Variants in XRCC5 observed in about 807,000 individuals in gnomAD.
The protein encoded by XRCC5 is X-ray repair cross complementing 5.
Under a neutral mutation model 95.7 loss-of-function variants are expected in XRCC5, and 12 were observed. The observed-to-expected ratio is 0.13, with a 90% CI of 0.08 to 0.20. XRCC5 has a LOEUF of 0.20. Ranked by LOEUF, XRCC5 falls within the 10% of genes least tolerant of loss-of-function variation. The pLI, the probability that XRCC5 is intolerant of heterozygous loss-of-function variation, is 1.00. For synonymous variants in XRCC5, 281 were observed against 290.3 expected (o/e 0.97, Z 0.33); for missense variants, 595 against 873.9 (o/e 0.68, Z 4.02).
chr2:216,109,409 G>T lies in XRCC5; in HGVS notation c.-28G>T. On this transcript the variant is annotated 5_prime_UTR_variant, in exon 1 of 21. Coordinates refer to ENST00000392132, the MANE Select transcript of XRCC5 (RefSeq NM_021141.4). ...CACGGCAGGTTCCCGCCCGGAAGAA[G>T]CGACCAAAGCGCCTGAGGACCGGCA... 1 of 1,613,766 alleles carries T rather than the reference G, an allele frequency of 6.2e-7. No homozygotes were observed. The highest frequency in any genetic ancestry group is 2.2e-5 in the East Asian group (1 of 44,884).
intron 18 of XRCC5, among the ~76,000 whole-genome samples, chr2:216,193,429 T>C (rs1235443525): frequency 2.6e-5 from 4 of 152,134 alleles, no homozygotes; most frequent in Admixed American, 2.0e-4. Flanking sequence ...TTTTCACTTA[T>C]ACTAGAGATG....
chr2:216,109,850 T>A (rs1275500536), intron 1 of XRCC5, among the ~76,000 whole-genome samples: 2 of 152,114 alleles, frequency 1.3e-5, no homozygotes, highest in Non-Finnish European at 2.9e-5. Flanking sequence ...GAATGAAAAT[T>A]AGCTGTGATA....
At chr2:216,164,262 A>T (rs562443144) in intron 16 of XRCC5, among the ~76,000 whole-genome samples, 1 of 152,208 alleles carries the variant, frequency 6.6e-6, no homozygotes, top group Non-Finnish European at 1.5e-5. Flanking sequence ...GTCAAAGTCC[A>T]AGGTCCCCCG....
chr2:216,125,403 G>C (rs1696885579), intron 6 of XRCC5, among the ~76,000 whole-genome samples: 1 of 152,040 alleles, frequency 6.6e-6, no homozygotes, highest in African/African-American at 2.4e-5. Context: ...CTCCATGTTG[G>C]TCAGGCTGAT....
intron 16 of XRCC5, among the ~76,000 whole-genome samples, chr2:216,178,713 A>G (rs934343093): frequency 6.6e-6 from 1 of 152,188 alleles, no homozygotes; most frequent in Non-Finnish European, 1.5e-5. Context: ...TCCCCCTTCA[A>G]TAGAGCTTTA....
At chr2:216,123,704 G>A (rs544937458) in intron 6 of XRCC5, among the ~76,000 whole-genome samples, 13 of 152,288 alleles carry the variant, frequency 8.5e-5, no homozygotes, top group African/African-American at 2.6e-4. Context: ...TACTTGAGAG[G>A]CTGAGGCAAG....
At chr2:216,130,748 C>T in intron 8 of XRCC5, 127 bp from the exon 9 acceptor site, 1 of 579,964 alleles carries the variant, frequency 1.7e-6, no homozygotes, top group Non-Finnish European at 3.0e-6. Flanking sequence ...CATCTGATTC[C>T]AGGGAATAGA....
intron 8 of XRCC5, chr2:216,128,105 G>GT (rs1197197651): frequency 1.3e-5 from 2 of 152,884 alleles, no homozygotes; most frequent in African/African-American, 4.8e-5. Context: ...AAAATTATTT[G>GT]TATTTATTAT....
At chr2:216,177,876 C>T (rs1011497523) in intron 16 of XRCC5, among the ~76,000 whole-genome samples, 5 of 152,054 alleles carry the variant, frequency 3.3e-5, no homozygotes, top group Non-Finnish European at 5.9e-5. Flanking sequence ...TGTAATGAAG[C>T]CAGCAAGACT....
intron 8 of XRCC5, among the ~76,000 whole-genome samples, chr2:216,130,174 AGATACT>A (rs1362138685): frequency 6.6e-6 from 1 of 151,220 alleles, no homozygotes; most frequent in African/African-American, 2.4e-5. Flanking sequence ...AAAACATAGA[AGATACT>A]GTGTATTGAA....
intron 18 of XRCC5, 41 bp from the exon 19 acceptor site, chr2:216,194,877 GA>G: frequency 6.3e-7 from 1 of 1,596,346 alleles, no homozygotes; most frequent in Non-Finnish European, 8.6e-7. Context: ...GATTGGGGTT[GA>G]TTCTTTGTGT....
chr2:216,165,749 C>T lies in XRCC5; in HGVS notation c.1834+3701C>T, dbSNP rs144860006. Among the ~76,000 whole-genome samples, 651 of 152,266 alleles carry T rather than the reference C, an allele frequency of 4.3e-3. 2 individuals carry two copies. The highest frequency in any genetic ancestry group is 0.015 in the African/African-American group (630 of 41,542). ...ATTCAGTTGTCAAAAGGGCGATCAG[C>T]GATAGATAGTTGGTAAGATTGTTTG... On this transcript the variant is annotated intron_variant, in intron 16 of 20. Coordinates refer to ENST00000392132, the MANE Select transcript of XRCC5 (RefSeq NM_021141.4).
At position 216,174,110 on chromosome 2, in the gene XRCC5, A is replaced by G. The variant is rs143510363; in HGVS notation, c.1834+12062A>G. 2.2e-3 allele frequency among the ~76,000 whole-genome samples: 336 copies of G among 152,290 alleles called. 1 individual carries two copies. The highest frequency in any genetic ancestry group is 2.4e-3 in the Non-Finnish European group (161 of 68,028). On this transcript the variant is annotated intron_variant, in intron 16 of 20. Transcript: ENST00000392132. ...ATTATTTATTCTTTACATATTTCAT[A>G]TAATTTACCAGTGAAGCCATCTGAG...
chr2:216,192,536 A>G (rs1689633679), intron 17 of XRCC5, 103 bp from the exon 18 acceptor site: 4 of 625,986 alleles, frequency 6.4e-6, no homozygotes, highest in Non-Finnish European at 1.0e-5. Flanking sequence ...ATTTTTTTGT[A>G]ATAAATAAGG....
intron 18 of XRCC5, among the ~76,000 whole-genome samples, chr2:216,193,182 C>G (rs887713825): frequency 6.6e-6 from 1 of 152,140 alleles, no homozygotes; most frequent in Non-Finnish European, 1.5e-5. Flanking sequence ...TTCAACAGAC[C>G]AGCATCTTCA....
chr2:216,150,834 A>G (rs1353632402), intron 14 of XRCC5, among the ~76,000 whole-genome samples: 2 of 152,140 alleles, frequency 1.3e-5, no homozygotes, highest in African/African-American at 4.8e-5. Flanking sequence ...GGTTGCAGTG[A>G]GCTGAGATCA....
chr2:216,110,059 A>T (rs1161784798), intron 1 of XRCC5, among the ~76,000 whole-genome samples: 1 of 152,202 alleles, frequency 6.6e-6, no homozygotes, highest in Admixed American at 6.5e-5. Context: ...CTTGAAGTGA[A>T]AACTATTTAT....
chr2:216,157,268 C>G (rs948337097), intron 14 of XRCC5, among the ~76,000 whole-genome samples: 17 of 150,956 alleles, frequency 1.1e-4, no homozygotes, highest in African/African-American at 3.7e-4. Context: ...GAGTGTCACT[C>G]TGTCACCCAG....
chr2:216,110,174 C>G (rs1696561353), intron 1 of XRCC5, among the ~76,000 whole-genome samples: 1 of 152,164 alleles, frequency 6.6e-6, no homozygotes, highest in Non-Finnish European at 1.5e-5. Flanking sequence ...CCTGGAGAAC[C>G]CCTGTGTTGC....
Sources: allele counts gnomAD v4.1 joint callset (sites outside exome capture counted in the v4.1 genomes callset), GRCh38; gene constraint gnomAD v4.1.1; transcripts MANE v1.5; gene names NCBI Gene and HGNC (gene_info 2026-07-23, HGNC 2026-07-21).